Variants in PIK3AP1 observed in about 807,000 individuals in gnomAD.
PIK3AP1 encodes phosphoinositide 3-kinase adapter protein 1.
Under a neutral mutation model 88.1 loss-of-function variants are expected in PIK3AP1, and 21 were observed. The ratio of observed to expected loss-of-function variants is 0.24; its 90% confidence interval spans 0.17 to 0.34. The LOEUF (loss-of-function observed/expected upper bound fraction) is 0.34. Ranked by LOEUF, PIK3AP1 falls within the 10% of genes least tolerant of loss-of-function variation. The pLI is 1.00. For synonymous variants in PIK3AP1, 398 were observed against 400.0 expected (o/e 1.00, Z 0.06); for missense variants, 828 against 1,035.7 (o/e 0.80, Z 2.75).
chr10:96,620,610 A>G, intron 11 of PIK3AP1, 53 bp from the exon 12 acceptor site: 1 of 1,501,060 alleles, frequency 6.7e-7, no homozygotes. Flanking sequence ...GGGACCACTC[A>G]CCAGAAGTGT....
intron 1 of PIK3AP1, among the ~76,000 whole-genome samples, chr10:96,713,370 G>A (rs1743160423): frequency 6.6e-6 from 1 of 151,866 alleles, no homozygotes; most frequent in African/African-American, 2.4e-5. Flanking sequence ...CGGGTGTTGT[G>A]GCAGGCACCT....
intron 13 of PIK3AP1, among the ~76,000 whole-genome samples, chr10:96,611,807 T>C (rs1312024241): frequency 6.6e-6 from 1 of 152,146 alleles, no homozygotes; most frequent in African/African-American, 2.4e-5. Flanking sequence ...TCTGCTTAAT[T>C]AACTTCGAGG....
intron 16 of PIK3AP1, among the ~76,000 whole-genome samples, chr10:96,600,248 A>G (rs990251215): frequency 2.6e-5 from 4 of 152,244 alleles, no homozygotes; most frequent in Non-Finnish European, 5.9e-5. Context: ...AAATGGGATA[A>G]CACTAAATAC....
intron 1 of PIK3AP1, 38 bp from the exon 2 acceptor site, chr10:96,710,021 C>A: frequency 6.5e-7 from 1 of 1,534,950 alleles, no homozygotes. Flanking sequence ...GTTAGCACAC[C>A]TCCCCTTCTA....
chr10:96,708,806 G>T (rs184419127), intron 2 of PIK3AP1, among the ~76,000 whole-genome samples: 2 of 151,842 alleles, frequency 1.3e-5, no homozygotes, highest in East Asian at 3.9e-4. Flanking sequence ...TAGAGAAGAG[G>T]GCTATTTCTC....
At chr10:96,599,899 A>T (rs1431175557) in intron 16 of PIK3AP1, among the ~76,000 whole-genome samples, 1 of 152,008 alleles carries the variant, frequency 6.6e-6, no homozygotes, top group African/African-American at 2.4e-5. Flanking sequence ...CTCAACCACC[A>T]TCTCTTTTTA....
intron 7 of PIK3AP1, among the ~76,000 whole-genome samples, chr10:96,647,135 C>T (rs575482105): frequency 6.6e-6 from 1 of 152,264 alleles, no homozygotes; most frequent in African/African-American, 2.4e-5. Flanking sequence ...TGAAGGTGAC[C>T]ACAGGGAGAA....
At chr10:96,619,628 G>A in intron 12 of PIK3AP1, 1 of 152,224 alleles carries the variant, frequency 6.6e-6, no homozygotes, top group African/African-American at 2.4e-5. Flanking sequence ...GGTTAAGTTT[G>A]AGTTCTTTTT....
chr10:96,650,754 C>A (rs1421930435), intron 6 of PIK3AP1, among the ~76,000 whole-genome samples: 2 of 152,328 alleles, frequency 1.3e-5, no homozygotes, highest in Admixed American at 6.5e-5. Context: ...GAAGGACTAT[C>A]TTTCCATGAG....
At chr10:96,634,934 G>A (rs771506453) in intron 8 of PIK3AP1, among the ~76,000 whole-genome samples, 53 of 152,148 alleles carry the variant, frequency 3.5e-4, no homozygotes, top group Non-Finnish European at 5.4e-4. Context: ...GCACTAGGCC[G>A]TCTTCTGCCA....
At position 96,623,465 on chromosome 10, in the gene PIK3AP1, G is replaced by A; in HGVS notation, c.1735+7C>T. ...CAAAAGTTCAGTTCATATAACACAT[G>A]GCTTACCTTTCCTGATGCTCTCTGA... On this transcript the variant is annotated splice_region_variant and intron_variant, in intron 11 of 16. Coordinates refer to ENST00000339364, the MANE Select transcript of PIK3AP1 (RefSeq NM_152309.3). The A allele has an allele frequency of 6.2e-7, 1 of 1,606,850 alleles. No individual in the cohort carries two copies. Among genetic ancestry groups the A allele is most frequent in the Non-Finnish European group, 8.5e-7 (1 of 1,173,950 alleles).
chr10:96,696,749 C>A (rs141994925), intron 2 of PIK3AP1, among the ~76,000 whole-genome samples: 1 of 152,228 alleles, frequency 6.6e-6, no homozygotes, highest in Non-Finnish European at 1.5e-5. Flanking sequence ...GTGATATACT[C>A]CTAAGACTCA....
At position 96,675,922 on chromosome 10, in the gene PIK3AP1, C is replaced by T. The variant is rs943551534; in HGVS notation, c.431-18988G>A. Among the ~76,000 whole-genome samples the T allele has an allele frequency of 5.3e-5, 8 of 152,294 alleles. No individual in the cohort carries two copies. The East Asian group carries it at 5.8e-4, about 11-fold the overall frequency. Reference sequence around the variant, plus strand: ...GAATTGTATAAGGCCATCATAGGGACGTGGGACATGGCCTAAAACCATAGT... The same window carrying T: ...GAATTGTATAAGGCCATCATAGGGATGTGGGACATGGCCTAAAACCATAGT... On this transcript the variant is annotated intron_variant, in intron 2 of 16. Transcript: ENST00000339364.
chr10:96,628,900 A>ATATT (rs1843196109), intron 8 of PIK3AP1, among the ~76,000 whole-genome samples: 1 of 26,326 alleles, frequency 3.8e-5, no homozygotes, highest in Admixed American at 4.5e-4. Flanking sequence ...ATATATATAT[A>ATATT]TATATATGTG....
In PIK3AP1 at chr10:96,628,393, C is replaced by CTT. The variant is rs764418029; in HGVS notation, c.1471+3_1471+4dup. On this transcript the variant is annotated splice_donor_region_variant and intron_variant, in intron 9 of 16. Coordinates refer to ENST00000339364, the MANE Select transcript of PIK3AP1 (RefSeq NM_152309.3). ...TTGGCTTCCCTGCTCATGGCTATGA[C>CTT]TTACCTTCTAAAAACTTGCGGATCA... 2 of 1,593,390 alleles carry CTT rather than the reference C, an allele frequency of 1.3e-6. No individual in the cohort carries two copies. Among genetic ancestry groups the CTT allele is most frequent in the East Asian group, 4.5e-5 (2 of 44,774 alleles).
intron 2 of PIK3AP1, among the ~76,000 whole-genome samples, chr10:96,664,017 C>G (rs1175547403): frequency 6.6e-6 from 1 of 152,196 alleles, no homozygotes; most frequent in Admixed American, 6.5e-5. Flanking sequence ...ACTGCACAAT[C>G]TTTCTGGAAA....
At chr10:96,596,828 G>T (rs1235282384) in intron 16 of PIK3AP1, among the ~76,000 whole-genome samples, 1 of 152,178 alleles carries the variant, frequency 6.6e-6, no homozygotes, top group African/African-American at 2.4e-5. Flanking sequence ...AAGTCAATAA[G>T]TCAAGAAAAA....
At chr10:96,603,095 AAG>A (rs1564950526) in intron 15 of PIK3AP1, among the ~76,000 whole-genome samples, 5 of 151,756 alleles carry the variant, frequency 3.3e-5, no homozygotes, top group South Asian at 2.1e-4. Flanking sequence ...GATGCCCCTT[AAG>A]GTTTCACTAG....
chr10:96,621,278 G>C (rs1226671192), intron 11 of PIK3AP1: 1 of 154,420 alleles, frequency 6.5e-6, no homozygotes, highest in Non-Finnish European at 1.5e-5. Flanking sequence ...TGGCCCGTTG[G>C]ATGGTAGTGG....
Sources: allele counts gnomAD v4.1 joint callset (sites outside exome capture counted in the v4.1 genomes callset), GRCh38; gene constraint gnomAD v4.1.1; transcripts MANE v1.5; gene names NCBI Gene and HGNC (gene_info 2026-07-23, HGNC 2026-07-21).